PIEZO1: variants seen among roughly 807,000 people sequenced by gnomAD.
The protein encoded by PIEZO1 is piezo type mechanosensitive ion channel component 1 (Er blood group), also known as piezo-type mechanosensitive ion channel component 1.
PIEZO1 carries 296 observed loss-of-function variants against 297.2 expected under a neutral mutation model. The observed-to-expected ratio is 1.00, with a 90% CI of 0.91 to 1.10. The LOEUF is 1.10. Among genes scored for constraint, PIEZO1 ranks in the 50% least tolerant of loss-of-function variants. The probability of loss-of-function intolerance (pLI) is 0.00; values close to 1 mark genes in which losing one functional copy is unlikely to be tolerated. For synonymous variants in PIEZO1, 2,427 were observed against 1,507.5 expected, an observed-to-expected ratio of 1.61 and a Z score of -14.13; for missense variants, 5,018 against 3,455.5, an observed-to-expected ratio of 1.45 and a Z score of -11.34.
At chr16:88,762,917 C>T (rs912525810) in intron 1 of PIEZO1, among the ~76,000 whole-genome samples, 6 of 152,222 alleles carry the variant, frequency 3.9e-5, no homozygotes, top group Non-Finnish European at 8.8e-5. Flanking sequence ...GTCCCCAATA[C>T]GCCCGAGCCC....
rs1597443845 is a variant in PIEZO1, at chr16:88,720,517, A to AT, written c.5816dup (p.Tyr1939Ter). The change falls in exon 41 of 51, where the codon TAT becomes TAAT. Residue 1939 changes from tyrosine to a stop codon, truncating the protein, a stop_gained and frameshift_variant. Transcript: ENST00000301015. LOFTEE classifies it high-confidence loss of function. ...GFCLSLAQGT[Y>*]RPLRRFFHDI... Reference sequence around the variant, plus strand: ...CGTGGAAGAAGCGCCGTAGCGGCCGATATGTGCCCTGGGCCCTGCGGAAGG... The same window carrying AT: ...CGTGGAAGAAGCGCCGTAGCGGCCGATTATGTGCCCTGGGCCCTGCGGAAGG... 1 of 1,549,972 alleles carries AT rather than the reference A, an allele frequency of 6.5e-7. No individual in the cohort carries two copies. Among genetic ancestry groups the AT allele is most frequent in the African/African-American group, 1.4e-5 (1 of 73,018 alleles).
rs1190557735 is a variant in PIEZO1, at chr16:88,749,395, C to A, written c.149G>T (p.Cys50Phe). The A allele has an allele frequency of 2.7e-6, 4 of 1,509,230 alleles. No homozygotes were observed. Among genetic ancestry groups the A allele is most frequent in the Non-Finnish European group, 3.5e-6 (4 of 1,136,286 alleles). 93.5% of individuals were successfully genotyped at this position (1,509,230 alleles called of 1,614,324 possible). A position where few individuals can be genotyped will look rare whatever the true frequency, so the allele number is the denominator to read the frequency against. The change falls in exon 2 of 51, where the codon TGC becomes TTC. Residue 50 changes from cysteine to phenylalanine, a missense_variant. Coordinates refer to ENST00000301015, the MANE Select transcript of PIEZO1 (RefSeq NM_001142864.4). ...TCCCCTGGCCTTACCTTGGAGGCCGCATCGGGTGGGGCCGGGGAACCAGGG... is the reference window on the plus strand; with the variant it reads ...TCCCCTGGCCTTACCTTGGAGGCCGAATCGGGTGGGGCCGGGGAACCAGGG... Reference protein sequence around the residue: ...LLPWFPGPTRCGLQGHTGRLL... With the variant: ...LLPWFPGPTRFGLQGHTGRLL...
At position 88,726,772 on chromosome 16, in the gene PIEZO1, C is replaced by A; in HGVS notation, c.3642G>T (p.Leu1214=). The A allele has an allele frequency of 6.5e-7, 1 of 1,550,202 alleles. No homozygotes were observed. The highest frequency in any genetic ancestry group is 1.2e-5 in the South Asian group (1 of 84,062). The part of the protein sequence containing the change: ...LQRDTRARLV[L]WDCLILYNVT... ...CGTTGTACAGAATGAGGCAGTCCCA[C>A]AGCACGAGGCGGGCCCGTGTGTCCC... Residue 1214 remains leucine (L), a synonymous_variant, in exon 25 of 51, where the codon CTG becomes CTT. Transcript: ENST00000301015.
chr16:88,732,313 G>T, intron 21 of PIEZO1, 22 bp downstream of exon 21: 6 of 1,530,398 alleles, frequency 3.9e-6, no homozygotes, highest in African/African-American at 1.4e-5. Flanking sequence ...TGCCCCAGGG[G>T]GAGGCAATGT....
intron 16 of PIEZO1, 104 bp from the exon 17 acceptor site, chr16:88,734,158 T>G (rs1415834116): frequency 2.8e-5 from 39 of 1,381,926 alleles, no homozygotes; most frequent in Non-Finnish European, 3.7e-5. Context: ...CAGCTGCCAG[T>G]TCAGGTGCAC....
Position 88,734,005 on chromosome 16 carries a change from G to C in PIEZO1, c.2230C>G (p.His744Asp), listed in dbSNP as rs1567672151. 6.5e-7 allele frequency: 1 copy of C among 1,547,158 alleles called. No individual in the cohort carries two copies. The highest frequency in any genetic ancestry group is 1.2e-5 in the South Asian group (1 of 83,906). Reference sequence around the variant, plus strand: ...TCCTCCTCCTGCTGCTGCTGCTGATGCTCCTGCTGCTCCTCCCGCAGCAGT... The same window carrying C: ...TCCTCCTCCTGCTGCTGCTGCTGATCCTCCTGCTGCTCCTCCCGCAGCAGT... ...TPLLREEQQE[H>D]QQQQQEEEEE... is the part of the protein sequence containing the mutation. The change falls in exon 17 of 51, where the codon CAT (histidine) becomes GAT (aspartate). Residue 744 changes from histidine to aspartate, a missense_variant. Transcript: ENST00000301015.
At chr16:88,746,308 C>T (rs1427257163) in intron 2 of PIEZO1, among the ~76,000 whole-genome samples, 1 of 152,162 alleles carries the variant, frequency 6.6e-6, no homozygotes, top group East Asian at 1.9e-4. Context: ...TGATCTCTCT[C>T]CAGACAGCAG....
At chr16:88,769,652 C>T (rs917909677) in intron 1 of PIEZO1, among the ~76,000 whole-genome samples, 3 of 152,218 alleles carry the variant, frequency 2.0e-5, no homozygotes, top group East Asian at 1.9e-4. Context: ...CCAGTCAGCA[C>T]GCAGGGAGCA....
intron 1 of PIEZO1, 30 bp downstream of exon 1, chr16:88,784,871 G>A (rs1202225203): frequency 5.0e-5 from 70 of 1,400,528 alleles, no homozygotes; most frequent in Non-Finnish European, 6.4e-5. Context: ...GCCCCCTCCC[G>A]TCGCCCCCAG....
At chr16:88,759,590 G>A (rs942776426) in intron 1 of PIEZO1, among the ~76,000 whole-genome samples, 48 of 152,326 alleles carry the variant, frequency 3.2e-4, no homozygotes, top group African/African-American at 1.1e-3. Flanking sequence ...AGCTCCTGGC[G>A]GCCGCTGCTC....
chr16:88,734,349 G>T lies in PIEZO1; in HGVS notation c.2180+7C>A, dbSNP rs956500433. Reference sequence around the variant, plus strand: ...TCCAGGGCCGGACAGGGAGGGCGGGGCCGCACCTGTGAGCCCAGCGCGGGA... The same window carrying T: ...TCCAGGGCCGGACAGGGAGGGCGGGTCCGCACCTGTGAGCCCAGCGCGGGA... On this transcript the variant is annotated splice_region_variant and intron_variant, in intron 16 of 50. Coordinates refer to ENST00000301015, the MANE Select transcript of PIEZO1 (RefSeq NM_001142864.4). 1 of 1,515,340 alleles carries T rather than the reference G, an allele frequency of 6.6e-7. No homozygotes were observed. The highest frequency in any genetic ancestry group is 8.9e-7 in the Non-Finnish European group (1 of 1,128,210). 93.9% of individuals were successfully genotyped at this position (1,515,340 alleles called of 1,614,324 possible).
intron 2 of PIEZO1, among the ~76,000 whole-genome samples, chr16:88,747,926 G>T (rs1906149352): frequency 6.6e-6 from 1 of 152,200 alleles, no homozygotes; most frequent in Non-Finnish European, 1.5e-5. Flanking sequence ...ACCTGGAGCA[G>T]CTGGAAGAGG....
At chr16:88,772,919 G>T (rs1259926092) in intron 1 of PIEZO1, among the ~76,000 whole-genome samples, 1 of 152,208 alleles carries the variant, frequency 6.6e-6, no homozygotes, top group African/African-American at 2.4e-5. Context: ...CCATGGCAGG[G>T]CCAGCCTCCC....
At chr16:88,750,905 G>A (rs1218419503) in intron 1 of PIEZO1, among the ~76,000 whole-genome samples, 1 of 151,520 alleles carries the variant, frequency 6.6e-6, no homozygotes, top group Non-Finnish European at 1.5e-5. Context: ...CCGGTCAGGA[G>A]GCTGAGGAAG....
chr16:88,764,499 T>G (rs920474670), intron 1 of PIEZO1, among the ~76,000 whole-genome samples: 2 of 151,964 alleles, frequency 1.3e-5, no homozygotes, highest in Non-Finnish European at 2.9e-5. Context: ...ACACCTGTAA[T>G]GCCAACACTT....
chr16:88,733,966 C>T lies in PIEZO1; in HGVS notation c.2269G>A (p.Asp757Asn), dbSNP rs1181992650. 1 of 1,382,408 alleles carries T rather than the reference C, an allele frequency of 7.2e-7. No homozygotes were observed. The highest frequency in any genetic ancestry group is 9.4e-7 in the Non-Finnish European group (1 of 1,058,884). The allele number at this position is 1,382,408 out of a possible 1,614,324, so 85.6% of individuals were successfully genotyped here. Reference protein sequence around the residue: ...QQQEEEEEEEDSRDEGLGVAT... With the variant: ...QQQEEEEEEENSRDEGLGVAT... ...ACGCCCAGCCCCTCGTCCCTGGAGT[C>T]CTCCTCCTCCTCCTCCTCCTCCTGC... Residue 757 changes from aspartate (D) to asparagine (N), a missense_variant, in exon 17 of 51, where the codon GAC becomes AAC. Physicochemically the swap from Asp to Asn is conservative, Grantham distance 23. Coordinates refer to ENST00000301015, the MANE Select transcript of PIEZO1 (RefSeq NM_001142864.4).
Position 88,715,928 on chromosome 16 carries a change from C to T in PIEZO1, c.7316+5G>A. The T allele has an allele frequency of 6.5e-7, 1 of 1,548,304 alleles. No individual in the cohort carries two copies. The highest frequency in any genetic ancestry group is 8.7e-7 in the Non-Finnish European group (1 of 1,145,446). On this transcript the variant is annotated splice_donor_5th_base_variant and intron_variant, in intron 50 of 50. Transcript: ENST00000301015. ...TGCGGGGTGCCCCCCCAGCCACTCA[C>T]TCACCCGTAGCCAGCCAGGAAGCCG...
chr16:88,722,345 G>GGCTGCCCATGTC lies in PIEZO1; in HGVS notation c.4816_4827dup (p.Asp1606_Ser1609dup). On this transcript the variant is annotated inframe_insertion, in exon 36 of 51. Coordinates refer to ENST00000301015, the MANE Select transcript of PIEZO1 (RefSeq NM_001142864.4). Reference sequence around the variant, plus strand: ...CGCGTGTGGTAGCCGGTGCTCAGGGGGCTGCCCATGTCGTCTGTCATGCTG... The same window carrying GGCTGCCCATGTC: ...CGCGTGTGGTAGCCGGTGCTCAGGGGGCTGCCCATGTCGCTGCCCATGTCGTCTGTCATGCTG... 1 of 1,537,516 alleles carries GGCTGCCCATGTC rather than the reference G, an allele frequency of 6.5e-7. No individual in the cohort carries two copies. The highest frequency in any genetic ancestry group is 8.8e-7 in the Non-Finnish European group (1 of 1,140,954).
chr16:88,763,478 G>C (rs1907022431), intron 1 of PIEZO1, among the ~76,000 whole-genome samples: 1 of 152,210 alleles, frequency 6.6e-6, no homozygotes, highest in Admixed American at 6.5e-5. Context: ...GAGAGTTCAA[G>C]ACCAACCTGG....
Sources: allele counts gnomAD v4.1 joint callset (sites outside exome capture counted in the v4.1 genomes callset), GRCh38; gene constraint gnomAD v4.1.1; transcripts MANE v1.5; gene names NCBI Gene and HGNC (gene_info 2026-07-23, HGNC 2026-07-21).